Variants in CSNK1G1 observed in about 807,000 individuals in gnomAD.
The protein encoded by CSNK1G1 is casein kinase 1 gamma 1.
CSNK1G1 carries 22 observed loss-of-function variants against 59.6 expected under a neutral mutation model. The observed-to-expected ratio is 0.37, with a 90% CI of 0.26 to 0.53. The LOEUF is 0.53. CSNK1G1 is among the 20% of genes least tolerant of loss of function. CSNK1G1 has a pLI of 0.89. For synonymous variants in CSNK1G1, 179 were observed against 177.1 expected (o/e 1.01, Z -0.08); for missense variants, 384 against 519.5 (o/e 0.74, Z 2.54).
intron 2 of CSNK1G1, among the ~76,000 whole-genome samples, chr15:64,278,395 T>TGC: frequency 2.3e-5 from 3 of 127,980 alleles, no homozygotes; most frequent in Non-Finnish European, 4.8e-5. Context: ...TGTGTGTGTG[T>TGC]GTGTGTGTGT....
rs747262355 is a variant in CSNK1G1, at chr15:64,190,775, C to A, written c.1108-10321G>T. ...GAGCACTTAGTCTCATTTATTCTGA[C>A]TGCTGGAGATCTGAGAATAAACCTA... On this transcript the variant is annotated intron_variant, in intron 10 of 11. Coordinates refer to ENST00000303052, the MANE Select transcript of CSNK1G1 (RefSeq NM_022048.5). Among the ~76,000 whole-genome samples, 10 of 152,204 alleles carry A rather than the reference C, an allele frequency of 6.6e-5. 1 individual carries two copies. The highest frequency in any genetic ancestry group is 1.5e-4 in the Non-Finnish European group (10 of 68,034).
chr15:64,202,971 T>C (rs151082601), intron 10 of CSNK1G1, 111 bp downstream of exon 10: 1 of 801,246 alleles, frequency 1.2e-6, no homozygotes, highest in Non-Finnish European at 2.1e-6. Context: ...TGGCAAGCAT[T>C]TGATCTTTAT....
intron 1 of CSNK1G1, among the ~76,000 whole-genome samples, chr15:64,310,461 A>G (rs1034206068): frequency 6.6e-5 from 10 of 151,706 alleles, no homozygotes; most frequent in African/African-American, 2.4e-4. Context: ...CATACCTATA[A>G]TCCCAGCACT....
At chr15:64,349,797 T>C (rs893559670) in intron 1 of CSNK1G1, among the ~76,000 whole-genome samples, 5 of 151,702 alleles carry the variant, frequency 3.3e-5, no homozygotes, top group Non-Finnish European at 4.4e-5. Context: ...AAAATGAACC[T>C]AGCATGGTGG....
intron 1 of CSNK1G1, among the ~76,000 whole-genome samples, chr15:64,348,798 A>G (rs940451024): frequency 6.6e-6 from 1 of 152,198 alleles, no homozygotes; most frequent in Non-Finnish European, 1.5e-5. Flanking sequence ...AAAAAATTTC[A>G]CATCATTCAT....
At chr15:64,290,222 A>G (rs914772235) in intron 2 of CSNK1G1, among the ~76,000 whole-genome samples, 6 of 152,150 alleles carry the variant, frequency 3.9e-5, no homozygotes, top group African/African-American at 1.2e-4. Context: ...CCAAAGGAAA[A>G]GAAATCATTA....
At chr15:64,205,947 G>A (rs1459032657) in intron 7 of CSNK1G1, among the ~76,000 whole-genome samples, 2 of 152,264 alleles carry the variant, frequency 1.3e-5, no homozygotes, top group African/African-American at 4.8e-5. Flanking sequence ...AGGGGGTGTA[G>A]GAGTACCCCA....
intron 2 of CSNK1G1, among the ~76,000 whole-genome samples, chr15:64,289,898 G>A (rs572186562): frequency 6.6e-6 from 1 of 151,952 alleles, no homozygotes; most frequent in African/African-American, 2.4e-5. Flanking sequence ...ATGAAAAAAC[G>A]CTCAAAAGAA....
At chr15:64,299,633 T>G (rs1895218907) in intron 2 of CSNK1G1, among the ~76,000 whole-genome samples, 1 of 151,736 alleles carries the variant, frequency 6.6e-6, no homozygotes, top group Non-Finnish European at 1.5e-5. Context: ...ATACCCAATG[T>G]ACCTTCTTCC....
chr15:64,278,537 G>A (rs981223453), intron 2 of CSNK1G1, among the ~76,000 whole-genome samples: 26 of 150,616 alleles, frequency 1.7e-4, no homozygotes, highest in Non-Finnish European at 2.9e-4. Context: ...CAAGCGATTC[G>A]CCTGCCTTAG....
chr15:64,352,133 C>G (rs1205760424), intron 1 of CSNK1G1, among the ~76,000 whole-genome samples: 12 of 152,024 alleles, frequency 7.9e-5, no homozygotes, highest in Admixed American at 7.2e-4. Context: ...ATGGCCAACA[C>G]CGTTTCTACT....
At chr15:64,257,882 A>C (rs1237292857) in intron 3 of CSNK1G1, among the ~76,000 whole-genome samples, 1 of 152,038 alleles carries the variant, frequency 6.6e-6, no homozygotes, top group Non-Finnish European at 1.5e-5. Context: ...TACATGTATT[A>C]CCTCTCTTCC....
intron 1 of CSNK1G1, among the ~76,000 whole-genome samples, chr15:64,331,147 G>T (rs1330356062): frequency 3.4e-5 from 5 of 148,482 alleles, no homozygotes; most frequent in African/African-American, 9.9e-5. Context: ...AACTACCAAT[G>T]ACTTTCTTCA....
Position 64,300,702 on chromosome 15 carries a change from T to C in CSNK1G1, c.-203A>G, listed in dbSNP as rs1895280705. The C allele has an allele frequency of 1.6e-6, 2 of 1,252,248 alleles. No homozygotes were observed. The highest frequency in any genetic ancestry group is 2.0e-6 in the Non-Finnish European group (2 of 998,226). 77.6% of individuals were successfully genotyped at this position (1,252,248 alleles called of 1,614,324 possible). On this transcript the variant is annotated 5_prime_UTR_variant, in exon 2 of 12. Transcript: ENST00000303052. ...AGGAAATGTAGTCACTAGGTCTCAA[T>C]CTTAGGTGAACATCTTGTAACCTAG...
At chr15:64,247,891 T>C (rs761101557) in intron 4 of CSNK1G1, among the ~76,000 whole-genome samples, 2 of 152,252 alleles carry the variant, frequency 1.3e-5, no homozygotes. Context: ...TTTTCCCAAA[T>C]AATTTCATAC....
chr15:64,207,690 G>C (rs1285809581), intron 6 of CSNK1G1, 96 bp from the exon 7 acceptor site: 1 of 858,316 alleles, frequency 1.2e-6, no homozygotes, highest in Admixed American at 2.0e-5. Context: ...TTCGGCTCTG[G>C]AAAGGCTCTG....
At chr15:64,211,556 C>T (rs2082249785) in intron 6 of CSNK1G1, among the ~76,000 whole-genome samples, 1 of 152,024 alleles carries the variant, frequency 6.6e-6, no homozygotes, top group South Asian at 2.1e-4. Context: ...ACAGTAGATG[C>T]TTAAAACAGA....
intron 4 of CSNK1G1, among the ~76,000 whole-genome samples, chr15:64,246,778 G>A (rs1353066660): frequency 1.3e-5 from 2 of 151,920 alleles, no homozygotes; most frequent in Non-Finnish European, 2.9e-5. Context: ...AGAAATTTCA[G>A]GTTATGTCAG....
intron 4 of CSNK1G1, among the ~76,000 whole-genome samples, chr15:64,239,722 T>C (rs535501642): frequency 5.3e-5 from 8 of 152,032 alleles, no homozygotes; most frequent in African/African-American, 1.9e-4. Flanking sequence ...TACCAGAAAA[T>C]ACAGACAAGT....
Sources: allele counts gnomAD v4.1 joint callset (sites outside exome capture counted in the v4.1 genomes callset), GRCh38; gene constraint gnomAD v4.1.1; transcripts MANE v1.5; gene names NCBI Gene and HGNC (gene_info 2026-07-23, HGNC 2026-07-21).